ERP44: variants seen among roughly 807,000 people sequenced by gnomAD.
ERP44 encodes endoplasmic reticulum resident protein 44.
Under a neutral mutation model 53.4 loss-of-function variants are expected in ERP44, and 25 were observed. The ratio of observed to expected loss-of-function variants is 0.47; its 90% CI spans 0.34 to 0.65. The LOEUF (loss-of-function observed/expected upper bound fraction) is 0.65, where lower values mean the gene tolerates loss of function less well. Ranked by LOEUF, ERP44 falls within the 30% of genes least tolerant of loss-of-function variation. The pLI is 0.01. For missense variants in ERP44, 338 were observed against 493.2 expected (o/e 0.69, Z 2.98); for synonymous variants, 145 against 161.2 (o/e 0.90, Z 0.76).
intron 8 of ERP44, among the ~76,000 whole-genome samples, chr9:100,010,164 G>A (rs1830459569): frequency 6.6e-6 from 1 of 152,100 alleles, no homozygotes; most frequent in African/African-American, 2.4e-5. Context: ...TTGCTAAATA[G>A]GTGGTAATTC....
intron 4 of ERP44, among the ~76,000 whole-genome samples, chr9:100,044,658 CAA>C (rs1472555426): frequency 6.6e-6 from 1 of 152,148 alleles, no homozygotes; most frequent in African/African-American, 2.4e-5. Context: ...TTACAATTAA[CAA>C]TATCACAATA....
At chr9:100,047,439 G>A (rs1825985192) in intron 4 of ERP44, among the ~76,000 whole-genome samples, 2 of 152,300 alleles carry the variant, frequency 1.3e-5, no homozygotes, top group South Asian at 4.1e-4. Flanking sequence ...TTTTGATGAG[G>A]ATGCCAAGGC....
At chr9:99,991,209 A>G (rs1273117045) in intron 10 of ERP44, among the ~76,000 whole-genome samples, 2 of 152,228 alleles carry the variant, frequency 1.3e-5, no homozygotes, top group African/African-American at 4.8e-5. Context: ...TCAACAGAAT[A>G]TACATTCTTC....
intron 1 of ERP44, among the ~76,000 whole-genome samples, 161 bp from the exon 2 acceptor site, chr9:100,060,333 A>G (rs564301140): frequency 3.9e-5 from 6 of 152,318 alleles, no homozygotes; most frequent in Admixed American, 3.3e-4. Context: ...TACTAGATAA[A>G]TGAAATAGGA....
chr9:100,081,600 AT>A (rs1370372591), intron 1 of ERP44, among the ~76,000 whole-genome samples: 2 of 152,172 alleles, frequency 1.3e-5, no homozygotes, highest in African/African-American at 4.8e-5. Flanking sequence ...AATCATCTCA[AT>A]AGATGCTAAA....
chr9:100,083,242 A>T (rs184933344), intron 1 of ERP44, among the ~76,000 whole-genome samples: 40 of 152,236 alleles, frequency 2.6e-4, no homozygotes, highest in African/African-American at 8.9e-4. Context: ...ATAGCAAAAG[A>T]TTGGAAACAA....
At chr9:100,035,654 A>T (rs1296968417) in intron 4 of ERP44, among the ~76,000 whole-genome samples, 1 of 152,202 alleles carries the variant, frequency 6.6e-6, no homozygotes, top group Non-Finnish European at 1.5e-5. Context: ...CAGCCTGGGC[A>T]ACAAGACCGA....
At chr9:100,032,945 C>T (rs1825807776) in intron 4 of ERP44, among the ~76,000 whole-genome samples, 1 of 152,138 alleles carries the variant, frequency 6.6e-6, no homozygotes, top group African/African-American at 2.4e-5. Context: ...CAAAAATAAT[C>T]TTTTTTGACT....
Position 99,989,639 on chromosome 9 carries a change from T to G in ERP44, c.1017-4570A>C, listed in dbSNP as rs537611645. 7.9e-5 allele frequency among the ~76,000 whole-genome samples: 12 copies of G among 152,242 alleles called. No homozygotes were observed. In the South Asian group the frequency reaches 2.5e-3, roughly 32 times the overall value. The stretch of plus-strand genomic sequence containing the variant: ...CTGAAAACCAAAGCACCTCTTCTCC[T>G]CCAAAGGATCACAGCTCCTCGCCAG... On this transcript the variant is annotated intron_variant, in intron 10 of 11. Transcript: ENST00000262455.
intron 4 of ERP44, among the ~76,000 whole-genome samples, chr9:100,024,108 C>T (rs776554040): frequency 1.3e-5 from 2 of 152,016 alleles, no homozygotes; most frequent in Non-Finnish European, 2.9e-5. Flanking sequence ...GAACCAAGAT[C>T]GTGCCAGTGC....
At chr9:100,058,023 T>C (rs1826103707) in intron 2 of ERP44, among the ~76,000 whole-genome samples, 164 bp from the exon 3 acceptor site, 1 of 152,194 alleles carries the variant, frequency 6.6e-6, no homozygotes, top group Non-Finnish European at 1.5e-5. Flanking sequence ...GCTTATATAA[T>C]TTATGGGAAA....
At chr9:100,040,169 T>C (rs760646095) in intron 4 of ERP44, among the ~76,000 whole-genome samples, 5 of 152,198 alleles carry the variant, frequency 3.3e-5, no homozygotes, top group African/African-American at 1.2e-4. Flanking sequence ...AGACTTATTC[T>C]ATGAGAACAG....
intron 2 of ERP44, among the ~76,000 whole-genome samples, chr9:100,059,835 C>T (rs570734199): frequency 1.2e-4 from 19 of 152,236 alleles, no homozygotes; most frequent in African/African-American, 4.6e-4. Flanking sequence ...TAGTTCTGCA[C>T]AGTGAGAACT....
chr9:100,055,936 T>G (rs539524409), intron 3 of ERP44, among the ~76,000 whole-genome samples: 1 of 152,354 alleles, frequency 6.6e-6, no homozygotes, highest in South Asian at 2.1e-4. Flanking sequence ...GTATTAAGTC[T>G]ATGTCTTACA....
chr9:100,033,507 TA>T (rs1259795788), intron 4 of ERP44, among the ~76,000 whole-genome samples: 5 of 152,240 alleles, frequency 3.3e-5, no homozygotes, highest in African/African-American at 1.2e-4. Flanking sequence ...AGATTCCTTC[TA>T]TGAAAGAAAA....
chr9:99,983,181 C>T (rs1251878452), intron 11 of ERP44, among the ~76,000 whole-genome samples: 1 of 152,216 alleles, frequency 6.6e-6, no homozygotes, highest in South Asian at 2.1e-4. Context: ...AAAGCAAACA[C>T]TTCAATGCTG....
chr9:100,025,460 G>A (rs1830641638), intron 4 of ERP44, among the ~76,000 whole-genome samples: 1 of 152,088 alleles, frequency 6.6e-6, no homozygotes, highest in Non-Finnish European at 1.5e-5. Context: ...CTTCAGTTTA[G>A]ATAAATATTT....
intron 8 of ERP44, among the ~76,000 whole-genome samples, chr9:100,009,484 A>AC (rs1363011293): frequency 1.3e-5 from 2 of 150,714 alleles, no homozygotes; most frequent in Non-Finnish European, 3.0e-5. Flanking sequence ...CCCTCTCCCC[A>AC]CCCCCTGGCA....
At chr9:100,012,753 G>C (rs1472794764) in intron 8 of ERP44, among the ~76,000 whole-genome samples, 2 of 152,152 alleles carry the variant, frequency 1.3e-5, no homozygotes, top group African/African-American at 4.8e-5. Context: ...TGTTGGCATA[G>C]ACTTCTGCTT....
Sources: gnomAD v4.1 joint callset for allele counts (sites outside exome capture counted in the v4.1 genomes callset) on GRCh38, gnomAD v4.1.1 for gene constraint, MANE v1.5 for transcripts, NCBI Gene and HGNC (gene_info 2026-07-23, HGNC 2026-07-21) for gene names.